Variants in ARSF observed in about 807,000 individuals in gnomAD.
ARSF encodes arylsulfatase F.
A neutral mutation model predicts 35.4 loss-of-function variants in ARSF; 33 were observed. That is an observed-to-expected ratio of 0.93 (90% CI 0.71 to 1.25). The LOEUF (loss-of-function observed/expected upper bound fraction) is 1.25. Among genes scored for constraint, ARSF ranks in the 50% most tolerant of loss-of-function variants. The probability of loss-of-function intolerance (pLI) is 0.00; values close to 1 mark genes in which losing one functional copy is unlikely to be tolerated. For missense variants in ARSF, 501 were observed against 480.2 expected (o/e 1.04, Z -0.40); for synonymous variants, 222 against 193.1 (o/e 1.15, Z -1.24).
intron 1 of ARSF, among the ~76,000 whole-genome samples, chrX:3,043,963 T>G (rs931849054): frequency 3.6e-5 from 4 of 110,673 alleles, no homozygotes; most frequent in Non-Finnish European, 7.6e-5. Context: ...TTTTTTGTAT[T>G]TTTTATGTAG....
rs2090231514 is a variant in ARSF, at chrX:3,084,538, C to T, written c.702C>T (p.Phe234=). ...LFIFLLGYAW[F]SSHTSPLYWD... Reference sequence around the variant, plus strand: ...TTTTCCTCTTGGGCTATGCTTGGTTCTCCAGCCACACGTCCCCTTTATACT... The same window carrying T: ...TTTTCCTCTTGGGCTATGCTTGGTTTTCCAGCCACACGTCCCCTTTATACT... Residue 234 remains phenylalanine, a synonymous_variant, in exon 6 of 11, where the codon TTC becomes TTT. Coordinates refer to ENST00000381127, the MANE Select transcript of ARSF (RefSeq NM_001201539.2). 1 of 1,211,722 alleles carries T rather than the reference C, an allele frequency of 8.3e-7. No homozygotes were observed. The highest frequency in any genetic ancestry group is 1.1e-6 in the Non-Finnish European group (1 of 895,575).
chrX:3,091,454 A>G (rs1329184585), intron 7 of ARSF, among the ~76,000 whole-genome samples: 1 of 112,649 alleles, frequency 8.9e-6, no homozygotes, highest in Non-Finnish European at 1.9e-5. Context: ...TCCAACATTA[A>G]TGAAAGAAAA....
chrX:3,109,627 T>A (rs781345869), intron 9 of ARSF, among the ~76,000 whole-genome samples: 1 of 110,956 alleles, frequency 9.0e-6, no homozygotes, highest in Admixed American at 9.7e-5. Flanking sequence ...TGTCTAATGT[T>A]CCCATCTTCA....
intron 7 of ARSF, among the ~76,000 whole-genome samples, chrX:3,099,355 C>T (rs1216460211): frequency 8.9e-6 from 1 of 111,771 alleles, no homozygotes; most frequent in Non-Finnish European, 1.9e-5. Context: ...ACTTCCTCTA[C>T]CCTCTTTCTG....
At position 3,101,156 on chromosome X, in the gene ARSF, A is replaced by G. The variant is rs767594508; in HGVS notation, c.1037A>G (p.His346Arg). 2 of 1,210,938 alleles carry G rather than the reference A, an allele frequency of 1.7e-6. No individual in the cohort carries two copies. The highest frequency in any genetic ancestry group is 2.2e-6 in the Non-Finnish European group (2 of 894,884). Residue 346 changes from histidine to arginine, a missense_variant, in exon 8 of 11, where the codon CAC (histidine) becomes CGC (arginine). Transcript: ENST00000381127. ...ACCCTTGTCTACTTTACATCAGATC[A>G]CGGAGGGCATTTGGAAGCTAGGCGA... ...NNTLVYFTSD[H>R]GGHLEARRGH... is the part of the protein sequence containing the mutation.
upstream of ARSF, among the ~76,000 whole-genome samples, chrX:3,040,964 A>C (rs1203936800): frequency 1.8e-5 from 2 of 111,490 alleles, no homozygotes; most frequent in Non-Finnish European, 3.8e-5. Context: ...TTTTAAAATA[A>C]AAGTGGGAGA....
At chrX:3,087,648 A>T (rs762429700) in intron 6 of ARSF, among the ~76,000 whole-genome samples, 2 of 106,660 alleles carry the variant, frequency 1.9e-5, no homozygotes, top group East Asian at 6.1e-4. Flanking sequence ...CTACTATTCA[A>T]ACTACTACAA....
At chrX:3,052,983 G>A (rs1240597675) in intron 1 of ARSF, among the ~76,000 whole-genome samples, 1 of 111,340 alleles carries the variant, frequency 9.0e-6, no homozygotes, top group African/African-American at 3.3e-5. Flanking sequence ...CCCAGAATTA[G>A]CAGATGCAAA....
chrX:3,056,999 G>A, intron 1 of ARSF, among the ~76,000 whole-genome samples: 1 of 111,416 alleles, frequency 9.0e-6, no homozygotes, highest in Non-Finnish European at 1.9e-5. Flanking sequence ...AGTCTACCCT[G>A]GAAGTCAGAT....
chrX:3,072,542 G>A (rs913951027), intron 3 of ARSF, among the ~76,000 whole-genome samples: 9 of 110,626 alleles, frequency 8.1e-5, no homozygotes, highest in South Asian at 3.8e-4. Flanking sequence ...ATCTGGACCC[G>A]AGTCCTGGCT....
chrX:3,052,690 C>G (rs925931505), intron 1 of ARSF, among the ~76,000 whole-genome samples: 1 of 73,716 alleles, frequency 1.4e-5, no homozygotes, highest in Non-Finnish European at 2.6e-5. Flanking sequence ...GACCCTGTCT[C>G]AAAAAAAAAA....
intron 3 of ARSF, among the ~76,000 whole-genome samples, chrX:3,073,351 G>T (rs1382156190): frequency 9.9e-6 from 1 of 100,964 alleles, no homozygotes; most frequent in Non-Finnish European, 2.0e-5. Flanking sequence ...AGGCTTCTCT[G>T]CATTTGACAA....
intron 8 of ARSF, among the ~76,000 whole-genome samples, chrX:3,102,608 T>C (rs2090384744): frequency 8.9e-6 from 1 of 112,385 alleles, no homozygotes; most frequent in Admixed American, 9.4e-5. Flanking sequence ...TGTTAGACAT[T>C]GTATGTTTGC....
chrX:3,098,504 C>T (rs756242166), intron 7 of ARSF, among the ~76,000 whole-genome samples: 30 of 110,539 alleles, frequency 2.7e-4, no homozygotes, highest in African/African-American at 9.9e-4. Context: ...GCAGTTTCCC[C>T]CATAGTGTTC....
intron 2 of ARSF, among the ~76,000 whole-genome samples, chrX:3,071,306 G>A (rs2090102145): frequency 9.0e-6 from 1 of 110,789 alleles, no homozygotes; most frequent in Non-Finnish European, 1.9e-5. Flanking sequence ...TGTTGTTGTT[G>A]TTGTTGTTGT....
At chrX:3,073,805 A>G (rs1465939298) in intron 3 of ARSF, among the ~76,000 whole-genome samples, 1 of 104,258 alleles carries the variant, frequency 9.6e-6, no homozygotes, top group Non-Finnish European at 2.0e-5. Flanking sequence ...ATGTATATTC[A>G]GCAGAATTCA....
In ARSF at chrX:3,112,534, G is replaced by C. The variant is rs778892063; in HGVS notation, c.1751G>C (p.Arg584Pro). The change falls in exon 11 of 11, where the codon CGG becomes CCG. Residue 584 changes from arginine to proline, a missense_variant. By Grantham distance (103) the Arg-to-Pro change is moderately radical. Coordinates refer to ENST00000381127, the MANE Select transcript of ARSF (RefSeq NM_001201539.2). ...AAGGAAGAGGAAGTCTCTCAGCCTCGGGGTCCTAACGAGAAGAGATAATTA... is the reference window on the plus strand; with the variant it reads ...AAGGAAGAGGAAGTCTCTCAGCCTCCGGGTCCTAACGAGAAGAGATAATTA... ...CDKEEEVSQP[R>P]GPNEKR is the part of the protein sequence containing the mutation. The C allele has an allele frequency of 6.8e-6, 8 of 1,172,035 alleles. No individual in the cohort carries two copies. Among genetic ancestry groups the C allele is most frequent in the South Asian group, 1.8e-5 (1 of 55,043 alleles).
intron 7 of ARSF, among the ~76,000 whole-genome samples, chrX:3,097,028 G>A (rs1304189772): frequency 2.7e-5 from 3 of 110,291 alleles, no homozygotes; most frequent in Non-Finnish European, 5.7e-5. Context: ...GGTAAGGAAA[G>A]GTCCTCCCCT....
In ARSF at chrX:3,081,028, T is replaced by C; in HGVS notation, c.406+15T>C. On this transcript the variant is annotated intron_variant, in intron 5 of 10. Coordinates refer to ENST00000381127, the MANE Select transcript of ARSF (RefSeq NM_001201539.2). ...GGGGCTTATAGGTAAGACACAAGAATTGGTGTTAGTCATTGATCATAAGGT... is the reference window on the plus strand; with the variant it reads ...GGGGCTTATAGGTAAGACACAAGAACTGGTGTTAGTCATTGATCATAAGGT... 1 of 1,207,363 alleles carries C rather than the reference T, an allele frequency of 8.3e-7. No individual in the cohort carries two copies.
Sources: allele counts gnomAD v4.1 joint callset (sites outside exome capture counted in the v4.1 genomes callset), GRCh38; gene constraint gnomAD v4.1.1; transcripts MANE v1.5; gene names NCBI Gene and HGNC (gene_info 2026-07-23, HGNC 2026-07-21).